PKN2: variants seen among roughly 807,000 people sequenced by gnomAD.
PKN2 encodes the protein protein kinase N2.
A neutral mutation model predicts 119.1 loss-of-function variants in PKN2; 38 were observed. The ratio of observed to expected loss-of-function variants is 0.32; its 90% CI spans 0.25 to 0.42. The LOEUF is 0.42. PKN2 is among the 10% of genes least tolerant of loss of function. The probability of loss-of-function intolerance (pLI) is 1.00; values close to 1 mark genes in which losing one functional copy is unlikely to be tolerated. For synonymous variants in PKN2, 390 were observed against 384.9 expected, an observed-to-expected ratio of 1.01 and a Z score of -0.15; for missense variants, 850 against 1,165.1, an observed-to-expected ratio of 0.73 and a Z score of 3.94.
At chr1:88,792,674 G>T (rs917124925) in intron 8 of PKN2, among the ~76,000 whole-genome samples, 2 of 152,184 alleles carry the variant, frequency 1.3e-5, no homozygotes. Flanking sequence ...TGTGCCTGCC[G>T]TCTTAGCTGC....
chr1:88,802,336 T>G (rs1671348336), intron 8 of PKN2, among the ~76,000 whole-genome samples: 1 of 152,026 alleles, frequency 6.6e-6, no homozygotes, highest in Non-Finnish European at 1.5e-5. Context: ...TAATTTTTTT[T>G]TTTTTTTGAG....
chr1:88,740,921 C>A, intron 1 of PKN2, 67 bp from the exon 2 acceptor site: 1 of 976,960 alleles, frequency 1.0e-6, no homozygotes, highest in Non-Finnish European at 1.5e-6. Context: ...AGGCTGAAAA[C>A]ACTGCATATT....
chr1:88,729,728 T>C (rs528318786), intron 1 of PKN2, among the ~76,000 whole-genome samples: 20 of 152,102 alleles, frequency 1.3e-4, no homozygotes, highest in Admixed American at 3.3e-4. Flanking sequence ...TCAGAGTCCA[T>C]GTGGAAGGGT....
At chr1:88,828,729 A>C in intron 19 of PKN2, 106 bp downstream of exon 19, 4 of 875,806 alleles carry the variant, frequency 4.6e-6, no homozygotes, top group Non-Finnish European at 6.8e-6. Context: ...AGTGGAATTT[A>C]AGTTTTATAA....
chr1:88,744,992 T>G (rs553970870), intron 2 of PKN2, among the ~76,000 whole-genome samples: 1 of 152,228 alleles, frequency 6.6e-6, no homozygotes, highest in Non-Finnish European at 1.5e-5. Flanking sequence ...ACTTTAAAGA[T>G]GATCATATGA....
rs1335792632 is a variant in PKN2, at chr1:88,741,164, TA to T, written c.232del (p.Ser78ValfsTer5). On this transcript the variant is annotated frameshift_variant, in exon 2 of 22. Transcript: ENST00000370521. LOFTEE classifies it high-confidence loss of function. ...AENLRKVTTD[K>X]KSLAYVDNIL... ...AAAATCTGAGGAAAGTCACAACAGA[TA>T]AAAAAAGTTTGGCTTATGTAGACAA... 1 of 1,611,034 alleles carries T rather than the reference TA, an allele frequency of 6.2e-7. No homozygotes were observed. Among genetic ancestry groups the T allele is most frequent in the Admixed American group, 1.7e-5 (1 of 59,486 alleles).
At chr1:88,697,494 AGT>A (rs942706348) in intron 1 of PKN2, among the ~76,000 whole-genome samples, 4 of 152,144 alleles carry the variant, frequency 2.6e-5, no homozygotes, top group Non-Finnish European at 5.9e-5. Flanking sequence ...CCATTGTTTA[AGT>A]GTGGGCCTTC....
chr1:88,685,102 C>G (rs1666034609), intron 1 of PKN2: 2 of 155,520 alleles, frequency 1.3e-5, no homozygotes, highest in African/African-American at 4.8e-5. Flanking sequence ...TCAGACTCCG[C>G]ACAAAGAGCG....
rs952791061 is a variant in PKN2 at position 88,820,968 on chromosome 1, G to A, written c.2280-973G>A. ...TTGAAAAAGTCAAACATGGTCCTGCGCCTCAAGAATTATTCTCTCTCGACC... is the reference window on the plus strand; with the variant it reads ...TTGAAAAAGTCAAACATGGTCCTGCACCTCAAGAATTATTCTCTCTCGACC... On this transcript the variant is annotated intron_variant, in intron 16 of 21. Transcript: ENST00000370521. Among the ~76,000 whole-genome samples, 8 of 152,120 alleles carry A rather than the reference G, an allele frequency of 5.3e-5. No homozygotes were observed. In the South Asian group the frequency reaches 8.3e-4, roughly 16 times the overall value.
chr1:88,719,051 C>G (rs934052298), intron 1 of PKN2, among the ~76,000 whole-genome samples: 5 of 152,172 alleles, frequency 3.3e-5, no homozygotes, highest in Non-Finnish European at 5.9e-5. Flanking sequence ...TTATTTCTTA[C>G]AAACCCTCAT....
chr1:88,746,391 C>T (rs932231043), intron 2 of PKN2, among the ~76,000 whole-genome samples: 6 of 151,882 alleles, frequency 4.0e-5, no homozygotes, highest in African/African-American at 1.5e-4. Flanking sequence ...CAGTAAGGAA[C>T]TCAAACTACT....
chr1:88,813,141 A>G (rs1332222407), intron 15 of PKN2, among the ~76,000 whole-genome samples: 4 of 152,194 alleles, frequency 2.6e-5, no homozygotes, highest in Admixed American at 2.0e-4. Flanking sequence ...ATTGAATACT[A>G]TAGCTTGTGA....
At position 88,805,680 on chromosome 1, in the gene PKN2, C is replaced by G; in HGVS notation, c.1676+9C>G. 6.2e-7 allele frequency: 1 copy of G among 1,613,462 alleles called. No individual in the cohort carries two copies. ...CTAGCACCTCCAGCTAGGTATGTGT[C>G]TGAGATTTTAAGCATCTCTTATACA... On this transcript the variant is annotated intron_variant, in intron 11 of 21. Coordinates refer to ENST00000370521, the MANE Select transcript of PKN2 (RefSeq NM_006256.4).
At chr1:88,831,703 C>T (rs1301412392) in intron 19 of PKN2, among the ~76,000 whole-genome samples, 12 of 151,982 alleles carry the variant, frequency 7.9e-5, no homozygotes, top group Admixed American at 4.6e-4. Context: ...TTCTTTAAAA[C>T]TTAATTGGAA....
intron 1 of PKN2, among the ~76,000 whole-genome samples, chr1:88,690,765 A>G (rs181702174): frequency 9.7e-4 from 147 of 152,316 alleles, no homozygotes; most frequent in African/African-American, 3.0e-3. Flanking sequence ...TTGCCTGTAA[A>G]AAATGAAGAT....
At chr1:88,826,912 TA>T (rs1331678240) in intron 18 of PKN2, among the ~76,000 whole-genome samples, 1 of 152,160 alleles carries the variant, frequency 6.6e-6, no homozygotes, top group Non-Finnish European at 1.5e-5. Context: ...ACTGTTTTTT[TA>T]AATAATATTT....
intron 1 of PKN2, among the ~76,000 whole-genome samples, chr1:88,702,020 G>A (rs1167967923): frequency 1.3e-5 from 2 of 152,082 alleles, no homozygotes; most frequent in Non-Finnish European, 2.9e-5. Flanking sequence ...ATGCAGTGGC[G>A]CAATCCGGGC....
At chr1:88,713,322 C>G (rs1409869926) in intron 1 of PKN2, among the ~76,000 whole-genome samples, 1 of 152,146 alleles carries the variant, frequency 6.6e-6, no homozygotes, top group Non-Finnish European at 1.5e-5. Flanking sequence ...AATGGTATTT[C>G]TAGTTCTAGA....
At chr1:88,806,742 G>A (rs995497213) in intron 12 of PKN2, among the ~76,000 whole-genome samples, 5 of 151,284 alleles carry the variant, frequency 3.3e-5, no homozygotes, top group Middle Eastern at 3.2e-3. Context: ...GTTTTGAGAC[G>A]GAGTTTTGCT....
Sources: allele counts gnomAD v4.1 joint callset (sites outside exome capture counted in the v4.1 genomes callset), GRCh38; gene constraint gnomAD v4.1.1; transcripts MANE v1.5; gene names NCBI Gene and HGNC (gene_info 2026-07-23, HGNC 2026-07-21).